The following ZFHX2 variants were observed in gnomAD, a reference collection of about 807,000 sequenced individuals.
ZFHX2 encodes the protein zinc finger homeobox 2, also known as zinc finger homeobox protein 2.
Under a neutral mutation model 164.8 loss-of-function variants are expected in ZFHX2, and 75 were observed. That is an observed-to-expected ratio of 0.46 (90% CI 0.38 to 0.55). The LOEUF (loss-of-function observed/expected upper bound fraction) is 0.55, where lower values mean the gene tolerates loss of function less well. Ranked by LOEUF, ZFHX2 falls within the 20% of genes least tolerant of loss-of-function variation. The pLI, the probability that ZFHX2 is intolerant of heterozygous loss-of-function variation, is 0.00. For missense variants in ZFHX2, 2,933 were observed against 3,308.0 expected, an observed-to-expected ratio of 0.89 and a Z score of 2.78; for synonymous variants, 1,217 against 1,351.4, an observed-to-expected ratio of 0.90 and a Z score of 2.18.
chr14:23,552,328 C>T (rs899660389), upstream of ZFHX2, among the ~76,000 whole-genome samples: 1 of 148,374 alleles, frequency 6.7e-6, no homozygotes, highest in African/African-American at 2.5e-5. Context: ...GAGTCTCACT[C>T]AGTCGCCCAG....
intron 5 of ZFHX2, 82 bp downstream of exon 5, chr14:23,530,038 T>C: frequency 2.2e-6 from 3 of 1,339,444 alleles, no homozygotes; most frequent in Non-Finnish European, 3.1e-6. Flanking sequence ...AGCACAGACA[T>C]TGCTGGGCTC....
Position 23,533,652 on chromosome 14 carries a change from C to A in ZFHX2, c.1674G>T (p.Ala558=), listed in dbSNP as rs546972533. 8 of 1,536,974 alleles carry A rather than the reference C, an allele frequency of 5.2e-6. No individual in the cohort carries two copies. The highest frequency in any genetic ancestry group is 6.1e-6 in the Non-Finnish European group (7 of 1,147,150). The part of the protein sequence containing the change: ...SPPEASLPPS[A]GDKEPKTKSS... ...ATTTGGTCTTAGGCTCTTTGTCTCC[C>A]GCGGAGGGTGGGAGTGATGCCTCTG... Residue 558 remains alanine, a synonymous_variant, in exon 2 of 10, where the codon GCG becomes GCT. Transcript: ENST00000419474. This position sits in a 1 kb window ranked among gnomAD's most constrained non-coding sequence, Gnocchi z 4.8.
In ZFHX2 at chr14:23,522,705, C is replaced by T. The variant is rs1239739756; in HGVS notation, c.6976G>A (p.Ala2326Thr). 1 of 1,536,638 alleles carries T rather than the reference C, an allele frequency of 6.5e-7. No individual in the cohort carries two copies. The highest frequency in any genetic ancestry group is 2.0e-5 in the Admixed American group (1 of 51,000). The change falls in exon 10 of 10, where the codon GCC (alanine) becomes ACC (threonine). Residue 2326 changes from alanine (A) to threonine (T), a missense_variant. By Grantham distance (58) the Ala-to-Thr change is moderately conservative. Coordinates refer to ENST00000419474, the MANE Select transcript of ZFHX2 (RefSeq NM_033400.3). ...VAGPTSSSNDALKNLKALKTT... is the reference protein window; with the variant it reads ...VAGPTSSSNDTLKNLKALKTT... ...TTCAATGCTTTGAGGTTCTTGAGGG[C>T]ATCATTGGAGGAGCTGGTGGGGCCT...
chr14:23,547,394 T>C (rs1261610723), intron 1 of ZFHX2, among the ~76,000 whole-genome samples: 3 of 152,252 alleles, frequency 2.0e-5, no homozygotes, highest in African/African-American at 7.2e-5. Context: ...AGTTTCATGA[T>C]TGGGAATGGG....
Position 23,545,931 on chromosome 14 carries a change from C to G in ZFHX2, c.-50+5412G>C, listed in dbSNP as rs565642400. Among the ~76,000 whole-genome samples the G allele has an allele frequency of 8.5e-5, 13 of 152,364 alleles. 1 individual carries two copies. In the South Asian group the frequency reaches 2.7e-3, roughly 32 times the overall value. ...CCTCGGGGAAACACAATCTAACACTCTTGGCCCACCCTCTGCCCTCCTTCA... is the reference window on the plus strand; with the variant it reads ...CCTCGGGGAAACACAATCTAACACTGTTGGCCCACCCTCTGCCCTCCTTCA... On this transcript the variant is annotated intron_variant, in intron 1 of 9. Coordinates refer to ENST00000419474, the MANE Select transcript of ZFHX2 (RefSeq NM_033400.3).
At chr14:23,531,409 G>A (rs1329678630) in intron 4 of ZFHX2, 72 bp downstream of exon 4, 15 of 1,331,256 alleles carry the variant, frequency 1.1e-5, no homozygotes, top group East Asian at 5.7e-5. Flanking sequence ...CTCTAACTCC[G>A]CAGCCCCCCT....
chr14:23,527,860 T>C, intron 6 of ZFHX2, 56 bp from the exon 7 acceptor site: 1 of 1,376,060 alleles, frequency 7.3e-7, no homozygotes, highest in Non-Finnish European at 9.8e-7. Flanking sequence ...GGACCCACCA[T>C]CACATAGTCC....
rs1003973817 is a variant in ZFHX2, at chr14:23,535,285, G to T, written c.41C>A (p.Pro14His). The T allele has an allele frequency of 2.0e-6, 3 of 1,482,878 alleles. No individual in the cohort carries two copies. Among genetic ancestry groups the T allele is most frequent in the Non-Finnish European group, 2.7e-6 (3 of 1,116,260 alleles). 91.9% of individuals were successfully genotyped at this position (1,482,878 alleles called of 1,614,324 possible). A position where few individuals can be genotyped will look rare whatever the true frequency, so the allele number is the denominator to read the frequency against. ...GGACGGGGCATTGTGCCCAGGGGAGGGGGTGGTACCAGTGGTAGAGGCTGA... is the reference window on the plus strand; with the variant it reads ...GGACGGGGCATTGTGCCCAGGGGAGTGGGTGGTACCAGTGGTAGAGGCTGA... ...LNSASTTGTT[P>H]SPGHNAPSLP... The change falls in exon 2 of 10, where the codon CCC (proline) becomes CAC (histidine). Residue 14 changes from proline to histidine, a missense_variant. Transcript: ENST00000419474. The surrounding 1 kb of genome is among the most constrained non-coding windows in gnomAD (Gnocchi z 4.5).
Position 23,545,690 on chromosome 14 carries a change from A to C in ZFHX2, c.-50+5653T>G, listed in dbSNP as rs144749763. 2.0e-5 allele frequency among the ~76,000 whole-genome samples: 3 copies of C among 152,356 alleles called. No individual in the cohort carries two copies. The East Asian group carries it at 5.8e-4, about 29-fold the overall frequency. ...AGAAGCTGGAGATGAGAAGAAAGGC[A>C]TCTGTGGCCCAAGCAGACCACTGAT... is the stretch of plus-strand genomic sequence containing the variant. On this transcript the variant is annotated intron_variant, in intron 1 of 9. Coordinates refer to ENST00000419474, the MANE Select transcript of ZFHX2 (RefSeq NM_033400.3).
rs898522865 is a variant in ZFHX2, at chr14:23,524,100, C to T, written c.5842G>A (p.Gly1948Ser). 24 of 1,533,644 alleles carry T rather than the reference C, an allele frequency of 1.6e-5. No individual in the cohort carries two copies. The highest frequency in any genetic ancestry group is 2.0e-5 in the Non-Finnish European group (23 of 1,145,702). ...CTCCCAGTGCCATCATCTACCTTGC[C>T]TAATAAGAGGTTGAACTTGGGCAAG... ...ASLPKFNLLL[G>S]KVDDGTGREA... The change falls in exon 9 of 10, where the codon GGC becomes AGC. Residue 1948 changes from glycine to serine, a missense_variant. By Grantham distance (56) the Gly-to-Ser change is moderately conservative (BLOSUM62 0). Coordinates refer to ENST00000419474, the MANE Select transcript of ZFHX2 (RefSeq NM_033400.3). This position sits in a 1 kb window ranked among gnomAD's most constrained non-coding sequence, Gnocchi z 5.6.
rs1186566631 is a variant in ZFHX2, at chr14:23,531,728, C to T, written c.2560-7G>A. 2 of 1,332,580 alleles carry T rather than the reference C, an allele frequency of 1.5e-6. No individual in the cohort carries two copies. The highest frequency in any genetic ancestry group is 1.9e-6 in the Non-Finnish European group (2 of 1,038,088). 82.5% of individuals were successfully genotyped at this position (1,332,580 alleles called of 1,614,324 possible). A position where few individuals can be genotyped will look rare whatever the true frequency, so the allele number is the denominator to read the frequency against. On this transcript the variant is annotated splice_polypyrimidine_tract_variant and splice_region_variant and intron_variant, in intron 3 of 9. Coordinates refer to ENST00000419474, the MANE Select transcript of ZFHX2 (RefSeq NM_033400.3). ...CCTCCATGTCCAGCAGAAACTAGAA[C>T]CATGGGAAGAGGCTGGCTCAGGCCC...
chr14:23,553,514 G>T (rs1418266959), upstream of ZFHX2, among the ~76,000 whole-genome samples: 1 of 151,536 alleles, frequency 6.6e-6, no homozygotes, highest in Non-Finnish European at 1.5e-5. Flanking sequence ...CAGAAGAATC[G>T]CTTGAACCCG....
rs1353312890 is a variant in ZFHX2 at position 23,522,108 on chromosome 14, G to C, written c.7573C>G (p.Pro2525Ala). The C allele has an allele frequency of 7.2e-6, 11 of 1,534,848 alleles. No homozygotes were observed. Among genetic ancestry groups the C allele is most frequent in the Non-Finnish European group, 9.6e-6 (11 of 1,146,098 alleles). The change falls in exon 10 of 10, where the codon CCA (proline) becomes GCA (alanine). Residue 2525 changes from proline (P) to alanine (A), a missense_variant. By Grantham distance (27) the Pro-to-Ala change is conservative. Coordinates refer to ENST00000419474, the MANE Select transcript of ZFHX2 (RefSeq NM_033400.3). ...RSSAHRRKAA[P>A]PQGGPPISIT... The stretch of plus-strand genomic sequence containing the variant: ...GAGATGGGTGGGCCCCCTTGAGGTG[G>C]GGCTGCCTTGCGCCTGTGGGCCGAG...
At chr14:23,527,095 G>A in intron 7 of ZFHX2, 122 bp from the exon 8 acceptor site, 1 of 1,366,182 alleles carries the variant, frequency 7.3e-7, no homozygotes, top group Non-Finnish European at 9.5e-7. Context: ...CCAGCCTCCT[G>A]TCTGAACAAA....
chr14:23,527,483 C>A, intron 7 of ZFHX2, 121 bp downstream of exon 7: 1 of 1,305,844 alleles, frequency 7.7e-7, no homozygotes, highest in Non-Finnish European at 1.1e-6. Flanking sequence ...AACACACGCA[C>A]TTGCCTGAAT....
In ZFHX2 at chr14:23,525,410, G is replaced by T. The variant is rs1205131703; in HGVS notation, c.4532C>A (p.Ala1511Asp). 3 of 1,536,162 alleles carry T rather than the reference G, an allele frequency of 2.0e-6. No individual in the cohort carries two copies. The highest frequency in any genetic ancestry group is 2.6e-6 in the Non-Finnish European group (3 of 1,146,924). ...HVHRRFLPFE[A>D]LSRYAAQFRK... ...AAACTGAGCAGCATAACGGCTCAGGGCTTCAAAGGGCAGAAAGCGGCGGTG... is the reference window on the plus strand; with the variant it reads ...AAACTGAGCAGCATAACGGCTCAGGTCTTCAAAGGGCAGAAAGCGGCGGTG... The change falls in exon 9 of 10, where the codon GCC becomes GAC. Residue 1511 changes from alanine to aspartate, a missense_variant. By Grantham distance (126) the Ala-to-Asp change is moderately radical. Coordinates refer to ENST00000419474, the MANE Select transcript of ZFHX2 (RefSeq NM_033400.3). The surrounding 1 kb of genome is among the most constrained non-coding windows in gnomAD (Gnocchi z 5.9).
Position 23,537,229 on chromosome 14 carries a change from C to CT in ZFHX2, c.-49-1856dup, listed in dbSNP as rs769874354. Among the ~76,000 whole-genome samples, 208 of 146,568 alleles carry CT rather than the reference C, an allele frequency of 1.4e-3. 2 individuals carry two copies. Among genetic ancestry groups the CT allele is most frequent in the East Asian group, 4.8e-3 (24 of 5,034 alleles). On this transcript the variant is annotated intron_variant, in intron 1 of 9. Coordinates refer to ENST00000419474, the MANE Select transcript of ZFHX2 (RefSeq NM_033400.3). The stretch of plus-strand genomic sequence containing the variant: ...TGACAGAAGCGCCAAGGCTCCCATC[C>CT]TTTTTTTTTTTTCTAAATCAGGAAC...
chr14:23,529,582 T>A, intron 6 of ZFHX2, 128 bp downstream of exon 6: 1 of 985,748 alleles, frequency 1.0e-6, no homozygotes, highest in Non-Finnish European at 1.5e-6. Context: ...GGGTGGAATT[T>A]CTTAACTGTG....
chr14:23,527,754 C>T lies in ZFHX2; in HGVS notation c.2985G>A (p.Val995=). Residue 995 remains valine, a synonymous_variant, in exon 7 of 10, where the codon GTG becomes GTA. Transcript: ENST00000419474. Reference sequence around the variant, plus strand: ...CATGCTGGGAGAGTGTATGAGCCCTCACCTGGCTGGACTCTGGGCTCAGGA... The same window carrying T: ...CATGCTGGGAGAGTGTATGAGCCCTTACCTGGCTGGACTCTGGGCTCAGGA... ...CSFLSPESSQ[V]RAHTLSQHAV... 3 of 1,536,126 alleles carry T rather than the reference C, an allele frequency of 2.0e-6. No individual in the cohort carries two copies. The highest frequency in any genetic ancestry group is 2.6e-6 in the Non-Finnish European group (3 of 1,146,922).
Sources: allele counts gnomAD v4.1 joint callset (sites outside exome capture counted in the v4.1 genomes callset), GRCh38; gene constraint gnomAD v4.1.1; non-coding constraint Gnocchi (gnomAD v3.1); transcripts MANE v1.5; gene names NCBI Gene and HGNC (gene_info 2026-07-23, HGNC 2026-07-21).